The following CSMD1 variants were observed in gnomAD, a reference collection of about 807,000 sequenced individuals.
CSMD1 encodes the protein CUB and Sushi multiple domains 1, also known as CUB and sushi domain-containing protein 1.
A neutral mutation model predicts 417.5 loss-of-function variants in CSMD1; 213 were observed. The observed-to-expected ratio is 0.51, with a 90% CI of 0.46 to 0.57. The LOEUF is 0.57. Among genes scored for constraint, CSMD1 ranks in the 20% least tolerant of loss-of-function variants. CSMD1 has a pLI of 0.00. For synonymous variants in CSMD1, 2,862 were observed against 1,736.8 expected (o/e 1.65, Z -16.11); for missense variants, 6,923 against 4,529.7 (o/e 1.53, Z -15.17).
At chr8:3,793,027 G>C (rs1310382805) in intron 5 of CSMD1, among the ~76,000 whole-genome samples, 1 of 152,154 alleles carries the variant, frequency 6.6e-6, no homozygotes, top group Non-Finnish European at 1.5e-5. Flanking sequence ...CTTAAACTCT[G>C]AGGATGGGCG....
chr8:3,995,514 A>T (rs576847662), intron 5 of CSMD1, among the ~76,000 whole-genome samples: 1 of 152,314 alleles, frequency 6.6e-6, no homozygotes, highest in East Asian at 1.9e-4. Flanking sequence ...CAGGGCATTG[A>T]AGCTCAGACC....
chr8:4,227,316 C>CCCACCACTCA (rs1288905656), intron 3 of CSMD1, among the ~76,000 whole-genome samples: 1 of 152,112 alleles, frequency 6.6e-6, no homozygotes, highest in Non-Finnish European at 1.5e-5. Flanking sequence ...CGTGGCCTCT[C>CCCACCACTCA]CCACCACTCA....
chr8:3,623,991 C>CA (rs993574580), intron 7 of CSMD1, among the ~76,000 whole-genome samples: 66 of 146,470 alleles, frequency 4.5e-4, no homozygotes, highest in East Asian at 9.9e-4. Flanking sequence ...CAAAACAAAA[C>CA]AAAAAAAAAA....
chr8:4,925,223 T>TG (rs1276341515), intron 1 of CSMD1, among the ~76,000 whole-genome samples: 1 of 135,594 alleles, frequency 7.4e-6, no homozygotes, highest in African/African-American at 2.7e-5. Context: ...TGGTTTTTTT[T>TG]TTTTTTTTTT....
chr8:4,148,668 T>A (rs1392021636), intron 3 of CSMD1, among the ~76,000 whole-genome samples: 4 of 152,118 alleles, frequency 2.6e-5, no homozygotes, highest in African/African-American at 9.7e-5. Context: ...GAGAGGAGCG[T>A]GCCCTCGTGT....
chr8:4,350,710 T>G (rs1034459605), intron 3 of CSMD1, among the ~76,000 whole-genome samples: 5 of 152,328 alleles, frequency 3.3e-5, no homozygotes, highest in Middle Eastern at 3.4e-3. Context: ...TGTCCACTTC[T>G]CCTGCTGACC....
chr8:3,917,353 C>G (rs1808900165), intron 5 of CSMD1, among the ~76,000 whole-genome samples: 1 of 152,064 alleles, frequency 6.6e-6, no homozygotes, highest in Non-Finnish European at 1.5e-5. Context: ...ATACAGTCCA[C>G]TCACTTTGAC....
intron 11 of CSMD1, among the ~76,000 whole-genome samples, chr8:3,477,584 G>C (rs1422728013): frequency 6.6e-6 from 1 of 152,196 alleles, no homozygotes; most frequent in African/African-American, 2.4e-5. Flanking sequence ...TAAAATACCA[G>C]TAATGAGTTT....
intron 2 of CSMD1, among the ~76,000 whole-genome samples, chr8:4,476,058 C>G (rs1286641360): frequency 6.6e-6 from 1 of 151,858 alleles, no homozygotes; most frequent in Non-Finnish European, 1.5e-5. Flanking sequence ...CTGGTTAAGA[C>G]AGTGTGATTT....
chr8:4,917,934 T>G (rs907005175), intron 1 of CSMD1, among the ~76,000 whole-genome samples: 1 of 152,194 alleles, frequency 6.6e-6, no homozygotes, highest in Non-Finnish European at 1.5e-5. Context: ...CAATCAGAAG[T>G]TGATACAGAA....
intron 5 of CSMD1, among the ~76,000 whole-genome samples, chr8:3,791,880 A>C (rs908580056): frequency 2.0e-5 from 3 of 152,098 alleles, no homozygotes; most frequent in Non-Finnish European, 4.4e-5. Context: ...GTTGGTGCAA[A>C]AGTAATTGCA....
chr8:3,033,946 C>G (rs536007024), intron 50 of CSMD1, among the ~76,000 whole-genome samples: 3 of 152,128 alleles, frequency 2.0e-5, no homozygotes, highest in African/African-American at 4.8e-5. Flanking sequence ...ATCACAGCAG[C>G]CTTGCTTCAG....
intron 10 of CSMD1, among the ~76,000 whole-genome samples, chr8:3,524,479 A>C (rs1386185365): frequency 6.7e-6 from 1 of 148,510 alleles, no homozygotes; most frequent in Admixed American, 6.7e-5. Flanking sequence ...CCAGAAAGAC[A>C]TGTGCACACA....
intron 6 of CSMD1, among the ~76,000 whole-genome samples, chr8:3,747,675 C>T (rs557328333): frequency 2.6e-5 from 4 of 152,026 alleles, no homozygotes; most frequent in Admixed American, 1.3e-4. Context: ...ACCTGTTGTG[C>T]CTAGCTGCTC....
intron 3 of CSMD1, among the ~76,000 whole-genome samples, chr8:4,349,515 C>A (rs1280853687): frequency 6.6e-6 from 1 of 152,124 alleles, no homozygotes; most frequent in Non-Finnish European, 1.5e-5. Flanking sequence ...CTTCTTTTTC[C>A]CTTTCAACAG....
chr8:3,034,040 G>A (rs936886059), intron 50 of CSMD1, among the ~76,000 whole-genome samples: 1 of 152,188 alleles, frequency 6.6e-6, no homozygotes, highest in Non-Finnish European at 1.5e-5. Flanking sequence ...CTCCCCATGT[G>A]CCTTCCTTTT....
chr8:3,641,860 C>T (rs1012293636), intron 7 of CSMD1, among the ~76,000 whole-genome samples: 18 of 152,326 alleles, frequency 1.2e-4, no homozygotes, highest in East Asian at 5.8e-4. Flanking sequence ...ATTATTGGTA[C>T]AGCTAACTTC....
intron 30 of CSMD1, 137 bp from the exon 31 acceptor site, chr8:3,205,757 T>G (rs1345689377): frequency 2.1e-6 from 1 of 486,164 alleles, no homozygotes; most frequent in Non-Finnish European, 3.6e-6. Context: ...AATCTTGTTT[T>G]GCATTGCTAT....
intron 1 of CSMD1, among the ~76,000 whole-genome samples, chr8:4,721,205 G>C (rs1809032813): frequency 6.6e-6 from 1 of 152,134 alleles, no homozygotes; most frequent in African/African-American, 2.4e-5. Flanking sequence ...CCCTATCCAT[G>C]TAATTTACTG....
Sources: gnomAD v4.1 joint callset for allele counts (sites outside exome capture counted in the v4.1 genomes callset) on GRCh38, gnomAD v4.1.1 for gene constraint, MANE v1.5 for transcripts, NCBI Gene and HGNC (gene_info 2026-07-23, HGNC 2026-07-21) for gene names.